PEPD: variants seen among roughly 807,000 people sequenced by gnomAD.
The protein encoded by PEPD is peptidase D, also known as xaa-Pro dipeptidase.
PEPD carries 53 observed loss-of-function variants against 60.7 expected under a neutral mutation model. The observed-to-expected ratio is 0.87, with a 90% confidence interval of 0.70 to 1.10. The LOEUF is 1.10. Ranked by LOEUF, PEPD falls within the 50% of genes least tolerant of loss-of-function variation. The pLI, the probability that PEPD is intolerant of heterozygous loss-of-function variation, is 0.00. For missense variants in PEPD, 711 were observed against 711.9 expected, an observed-to-expected ratio of 1.00 and a Z score of 0.01; for synonymous variants, 267 against 284.1, an observed-to-expected ratio of 0.94 and a Z score of 0.60.
At chr19:33,494,284 C>A (rs576740282) in intron 4 of PEPD, among the ~76,000 whole-genome samples, 1 of 152,202 alleles carries the variant, frequency 6.6e-6, no homozygotes, top group African/African-American at 2.4e-5. Flanking sequence ...ACACCCGAAA[C>A]GCAGGGGGAG....
intron 9 of PEPD, among the ~76,000 whole-genome samples, chr19:33,414,880 G>T (rs899938084): frequency 1.3e-5 from 2 of 152,170 alleles, no homozygotes; most frequent in Admixed American, 6.5e-5. Flanking sequence ...GATTTCAGGA[G>T]CTGCCAGGGA....
intron 3 of PEPD, among the ~76,000 whole-genome samples, chr19:33,509,735 C>T (rs906390214): frequency 3.9e-5 from 6 of 152,218 alleles, no homozygotes; most frequent in African/African-American, 1.4e-4. Flanking sequence ...GGAGATGACA[C>T]GCAGTGAGGC....
chr19:33,454,663 A>C (rs778255562), intron 9 of PEPD, among the ~76,000 whole-genome samples: 2 of 152,174 alleles, frequency 1.3e-5, no homozygotes, highest in Non-Finnish European at 2.9e-5. Context: ...AGGTTGAACA[A>C]ATAAATAAAT....
intron 4 of PEPD, among the ~76,000 whole-genome samples, chr19:33,496,575 G>A (rs1052618484): frequency 2.0e-5 from 3 of 152,226 alleles, no homozygotes; most frequent in Non-Finnish European, 4.4e-5. Context: ...AACACGACGC[G>A]CTGTGCGTTG....
chr19:33,501,617 C>G (rs1212601125), intron 3 of PEPD, among the ~76,000 whole-genome samples: 2 of 152,072 alleles, frequency 1.3e-5, no homozygotes, highest in African/African-American at 4.8e-5. Flanking sequence ...GCGGAGGTTG[C>G]AGGGAGTCAA....
intron 7 of PEPD, among the ~76,000 whole-genome samples, chr19:33,475,904 G>C (rs553327780): frequency 6.6e-6 from 1 of 152,284 alleles, no homozygotes; most frequent in Admixed American, 6.5e-5. Context: ...CTGTCACTCA[G>C]GCTGGAGTAT....
intron 9 of PEPD, among the ~76,000 whole-genome samples, chr19:33,456,026 TTC>T (rs1969791598): frequency 6.6e-6 from 1 of 152,186 alleles, no homozygotes; most frequent in Non-Finnish European, 1.5e-5. Flanking sequence ...TTCTCTCTGG[TTC>T]TCTGTCCAGC....
intron 12 of PEPD, among the ~76,000 whole-genome samples, chr19:33,399,633 C>T (rs1968442713): frequency 6.6e-6 from 1 of 151,496 alleles, no homozygotes. Context: ...GGCTGAGGGC[C>T]CCTCTGAAGC....
At chr19:33,416,007 G>A (rs1047289711) in intron 9 of PEPD, among the ~76,000 whole-genome samples, 4 of 152,232 alleles carry the variant, frequency 2.6e-5, no homozygotes, top group African/African-American at 9.6e-5. Context: ...CTTGGGGTGT[G>A]GACGCACAAG....
intron 9 of PEPD, among the ~76,000 whole-genome samples, chr19:33,461,391 T>C (rs1969924050): frequency 6.6e-6 from 1 of 151,910 alleles, no homozygotes; most frequent in South Asian, 2.1e-4. Context: ...CCCTGACCCA[T>C]AGCCCATGCA....
At chr19:33,416,549 G>A (rs761204594) in intron 9 of PEPD, among the ~76,000 whole-genome samples, 7 of 152,156 alleles carry the variant, frequency 4.6e-5, no homozygotes, top group East Asian at 1.9e-4. Flanking sequence ...CCTGGAAGGC[G>A]GATGGGGTGG....
chr19:33,424,092 G>A (rs1378831653), intron 9 of PEPD, among the ~76,000 whole-genome samples: 1 of 152,232 alleles, frequency 6.6e-6, no homozygotes, highest in African/African-American at 2.4e-5. Context: ...GGCTGCGCCT[G>A]TCACCTGCTC....
chr19:33,446,517 C>T (rs897820101), intron 9 of PEPD, among the ~76,000 whole-genome samples: 1 of 152,244 alleles, frequency 6.6e-6, no homozygotes, highest in Non-Finnish European at 1.5e-5. Context: ...CTTCAACCAG[C>T]ACCAGGTGCC....
At chr19:33,488,811 A>C (rs1420635237) in intron 6 of PEPD, among the ~76,000 whole-genome samples, 2 of 152,128 alleles carry the variant, frequency 1.3e-5, no homozygotes, top group African/African-American at 4.8e-5. Flanking sequence ...CTCATACATA[A>C]TTATAAGGCG....
chr19:33,414,246 G>A (rs1318257155), intron 9 of PEPD, among the ~76,000 whole-genome samples: 1 of 152,210 alleles, frequency 6.6e-6, no homozygotes, highest in African/African-American at 2.4e-5. Flanking sequence ...TCCTTGGAAC[G>A]AGCTGCCTGC....
intron 10 of PEPD, among the ~76,000 whole-genome samples, chr19:33,412,856 G>A (rs144557559): frequency 6.6e-6 from 1 of 152,176 alleles, no homozygotes; most frequent in Non-Finnish European, 1.5e-5. Flanking sequence ...CGCAGGAGAC[G>A]AGGGGGCCAC....
intron 9 of PEPD, among the ~76,000 whole-genome samples, chr19:33,450,438 T>A (rs970663491): frequency 6.6e-6 from 1 of 152,216 alleles, no homozygotes; most frequent in African/African-American, 2.4e-5. Flanking sequence ...AGGAGGAATA[T>A]GATTTGCTAA....
intron 12 of PEPD, among the ~76,000 whole-genome samples, chr19:33,392,134 G>T (rs10775578): frequency 0.57 from 86,588 of 152,154 alleles, 25,924 homozygotes; most frequent in African/African-American, 0.76. Flanking sequence ...CCAACAGCAG[G>T]GGCACCATCT....
At chr19:33,457,459 G>A (rs538597987) in intron 9 of PEPD, among the ~76,000 whole-genome samples, 29 of 152,278 alleles carry the variant, frequency 1.9e-4, no homozygotes, top group Admixed American at 1.0e-3. Flanking sequence ...CAGGGATGAG[G>A]GGGGCTGCCC....
Sources: allele counts gnomAD v4.1 joint callset (sites outside exome capture counted in the v4.1 genomes callset), GRCh38; gene constraint gnomAD v4.1.1; transcripts MANE v1.5; gene names NCBI Gene and HGNC (gene_info 2026-07-23, HGNC 2026-07-21).